The following SH2B1 variants were observed in gnomAD, a reference collection of about 807,000 sequenced individuals.
SH2B1 encodes SH2B adapter protein 1.
SH2B1 carries 15 observed loss-of-function variants against 62.6 expected under a neutral mutation model. The ratio of observed to expected loss-of-function variants is 0.24; its 90% CI spans 0.16 to 0.37. The LOEUF is 0.37. Among genes scored for constraint, SH2B1 ranks in the 10% least tolerant of loss-of-function variants. SH2B1 has a pLI of 1.00. For synonymous variants in SH2B1, 443 were observed against 438.0 expected, an observed-to-expected ratio of 1.01 and a Z score of -0.14; for missense variants, 925 against 1,015.6, an observed-to-expected ratio of 0.91 and a Z score of 1.21.
intron 1 of SH2B1, among the ~76,000 whole-genome samples, chr16:28,855,608 C>T (rs958361217): frequency 1.7e-4 from 26 of 150,276 alleles, no homozygotes; most frequent in Middle Eastern, 3.4e-3. Flanking sequence ...TCCCATCTCA[C>T]CAGCTCGTGG....
chr16:28,863,147 T>G (rs1442591576), upstream of SH2B1: 2 of 152,490 alleles, frequency 1.3e-5, no homozygotes, highest in Admixed American at 1.3e-4. Flanking sequence ...GCCAGGCTGG[T>G]CTCGAACTCC....
At chr16:28,870,166 T>C (rs946505446) in intron 4 of SH2B1, among the ~76,000 whole-genome samples, 4 of 152,266 alleles carry the variant, frequency 2.6e-5, no homozygotes, top group African/African-American at 7.2e-5. Flanking sequence ...AGTGGCCTGC[T>C]GTTGGACAGA....
At chr16:28,860,711 T>C (rs978539333), upstream of SH2B1, among the ~76,000 whole-genome samples, 3 of 152,176 alleles carry the variant, frequency 2.0e-5, no homozygotes, top group African/African-American at 7.2e-5. Context: ...CATTTGTGTT[T>C]GTGTTTGCCC....
At position 28,865,997 on chromosome 16, in the gene SH2B1, CTCTT is replaced by C. The variant is rs1962662462; in HGVS notation, c.-97_-94del. The C allele has an allele frequency of 4.7e-6, 7 of 1,498,702 alleles. No individual in the cohort carries two copies. Among genetic ancestry groups the C allele is most frequent in the Non-Finnish European group, 6.2e-6 (7 of 1,133,344 alleles). The allele number at this position is 1,498,702 out of a possible 1,614,324, so 92.8% of individuals were successfully genotyped here. A position where few individuals can be genotyped will look rare whatever the true frequency, so the allele number is the denominator to read the frequency against. On this transcript the variant is annotated 5_prime_UTR_variant, in exon 1 of 8. Coordinates refer to ENST00000684370, the MANE Select transcript of SH2B1 (RefSeq NM_001387430.1). ...AGCAGTGACCCTCGTGTGTGCCTCT[CTCTT>C]CCTTTCGCAGCTGCTGCCGCCCACC...
rs188283523 is a variant in SH2B1 at position 28,857,830 on chromosome 16, C to T, written c.-300-3788C>T. ...TCTCGGCTCACTGCAAGCTCCGCCT[C>T]CTGGGTTCACGCCATTCTCCTGCCT... On this transcript the variant is annotated intron_variant, in intron 1 of 10. Coordinates refer to the SH2B1 transcript ENST00000322610. Among the ~76,000 whole-genome samples the T allele has an allele frequency of 3.3e-3, 499 of 152,010 alleles. 1 individual carries two copies. Among genetic ancestry groups the T allele is most frequent in the Non-Finnish European group, 5.1e-3 (349 of 67,976 alleles).
At chr16:28,853,228 A>C (rs867632735) in intron 1 of SH2B1, among the ~76,000 whole-genome samples, 1 of 124,574 alleles carries the variant, frequency 8.0e-6, no homozygotes, top group Admixed American at 9.0e-5. Context: ...TGTATATATA[A>C]ATATATATAT....
chr16:28,852,221 C>T lies in SH2B1; in HGVS notation c.-301+5394C>T, dbSNP rs574732486. On this transcript the variant is annotated intron_variant, in intron 1 of 10. Coordinates refer to the SH2B1 transcript ENST00000322610. ...TTATATATTTACATATATATATTTA[C>T]ATATATATTTACATATATATATTTA... is the stretch of plus-strand genomic sequence containing the variant. 1.3e-4 allele frequency among the ~76,000 whole-genome samples: 5 copies of T among 39,416 alleles called. 1 individual carries two copies. The highest frequency in any genetic ancestry group is 3.8e-3 in the East Asian group (2 of 526). 25.9% of individuals were successfully genotyped at this position (39,416 alleles called of 152,430 possible). A position where few individuals can be genotyped will look rare whatever the true frequency, so the allele number is the denominator to read the frequency against.
intron 1 of SH2B1, among the ~76,000 whole-genome samples, chr16:28,847,174 GAGCC>G (rs1961993085): frequency 6.6e-6 from 1 of 152,202 alleles, no homozygotes; most frequent in Non-Finnish European, 1.5e-5. Flanking sequence ...CAAGGATGAG[GAGCC>G]AGCTAGGGGA....
chr16:28,873,375 A>T lies in SH2B1; in HGVS notation c.1898-72A>T. The T allele has an allele frequency of 6.3e-7, 1 of 1,580,928 alleles. No individual in the cohort carries two copies. Among genetic ancestry groups the T allele is most frequent in the Non-Finnish European group, 8.5e-7 (1 of 1,171,126 alleles). On this transcript the variant is annotated intron_variant, in intron 7 of 7. Coordinates refer to ENST00000684370, the MANE Select transcript of SH2B1 (RefSeq NM_001387430.1). The surrounding 1 kb of genome is among the most constrained non-coding windows in gnomAD (Gnocchi z 4.2). ...AGACAGCCACGCTCCTGGGGGGCTG[A>T]GTGAAGGGGAGGCCACGGCAGGAGC...
chr16:28,867,689 C>A (rs1385786073), intron 2 of SH2B1, among the ~76,000 whole-genome samples: 4 of 152,210 alleles, frequency 2.6e-5, no homozygotes, highest in Non-Finnish European at 5.9e-5. Flanking sequence ...GGGTCTCCCT[C>A]TAAGTCAGGA....
At chr16:28,867,912 T>A (rs948445083) in intron 2 of SH2B1, among the ~76,000 whole-genome samples, 2 of 152,154 alleles carry the variant, frequency 1.3e-5, no homozygotes, top group Admixed American at 1.3e-4. Flanking sequence ...CACTGCAACC[T>A]CTGCCTCCCA....
chr16:28,855,806 A>ATTTTTTTTTT (rs746171586), intron 1 of SH2B1, among the ~76,000 whole-genome samples: 28 of 102,404 alleles, frequency 2.7e-4, no homozygotes, highest in Non-Finnish European at 4.0e-4. Context: ...CGCCCGGCTA[A>ATTTTTTTTTT]TTTTTTTTTT....
chr16:28,871,237 C>A (rs1033325591), intron 4 of SH2B1, among the ~76,000 whole-genome samples: 2 of 152,120 alleles, frequency 1.3e-5, no homozygotes, highest in Admixed American at 6.6e-5. Context: ...AGGCTGCTCT[C>A]GAACTCCTAA....
chr16:28,872,784 G>A lies in SH2B1; in HGVS notation c.1897+79G>A, dbSNP rs1230682686. Reference sequence around the variant, plus strand: ...GTGTGTGTGCCAGAAAGATGGGGCGGGGAGGGGGGACTATCACAAGGAGAA... The same window carrying A: ...GTGTGTGTGCCAGAAAGATGGGGCGAGGAGGGGGGACTATCACAAGGAGAA... On this transcript the variant is annotated intron_variant, in intron 7 of 7. Transcript: ENST00000684370. The surrounding 1 kb of genome is among the most constrained non-coding windows in gnomAD (Gnocchi z 5.3). The A allele has an allele frequency of 1.3e-6, 2 of 1,547,888 alleles. No individual in the cohort carries two copies. The highest frequency in any genetic ancestry group is 1.8e-6 in the Non-Finnish European group (2 of 1,132,012).
rs544357762 is a variant in SH2B1 at position 28,865,691 on chromosome 16, C to T, written c.-404C>T. 43 of 1,007,002 alleles carry T rather than the reference C, an allele frequency of 4.3e-5. No individual in the cohort carries two copies. Among genetic ancestry groups the T allele is most frequent in the Non-Finnish European group, 5.0e-5 (42 of 845,312 alleles). 62.4% of individuals were successfully genotyped at this position (1,007,002 alleles called of 1,614,324 possible). On this transcript the variant is annotated 5_prime_UTR_variant, in exon 1 of 8. Coordinates refer to ENST00000684370, the MANE Select transcript of SH2B1 (RefSeq NM_001387430.1). The stretch of plus-strand genomic sequence containing the variant: ...AGTGTGACATGAATATTGGAGGATC[C>T]GATGTAGAGGGGGGGTGATCTGGAA...
At chr16:28,851,452 CT>C (rs1962097091) in intron 1 of SH2B1, among the ~76,000 whole-genome samples, 1 of 143,452 alleles carries the variant, frequency 7.0e-6, no homozygotes, top group African/African-American at 2.5e-5. Flanking sequence ...TTCCCAACGC[CT>C]TTCTTCTTTT....
chr16:28,852,754 ATATG>A (rs1471747709), intron 1 of SH2B1, among the ~76,000 whole-genome samples: 7 of 48,508 alleles, frequency 1.4e-4, no homozygotes, highest in African/African-American at 5.6e-4. Flanking sequence ...ATTTACATAT[ATATG>A]TATATATATA....
At chr16:28,858,102 C>T (rs1295297201) in intron 1 of SH2B1, among the ~76,000 whole-genome samples, 1 of 152,150 alleles carries the variant, frequency 6.6e-6, no homozygotes, top group African/African-American at 2.4e-5. Flanking sequence ...CCCTCCCCTC[C>T]CTGGGGGTTG....
In SH2B1 at chr16:28,867,046, G is replaced by A. The variant is rs1381223863; in HGVS notation, c.939+13G>A. On this transcript the variant is annotated intron_variant, in intron 1 of 7. Coordinates refer to ENST00000684370, the MANE Select transcript of SH2B1 (RefSeq NM_001387430.1). ...TGTACCACCCAAGGTGAGGCCCCTT[G>A]GAGGGTGGGTGACTGAGAGCAAGTG... 5.6e-6 allele frequency: 9 copies of A among 1,598,662 alleles called. No homozygotes were observed. In the South Asian group the frequency reaches 8.8e-5, roughly 16 times the overall value.
Sources: allele counts gnomAD v4.1 joint callset (sites outside exome capture counted in the v4.1 genomes callset), GRCh38; gene constraint gnomAD v4.1.1; non-coding constraint Gnocchi (gnomAD v3.1); transcripts MANE v1.5; gene names NCBI Gene and HGNC (gene_info 2026-07-23, HGNC 2026-07-21).